The following FAAP20 variants were observed in gnomAD, a reference collection of about 807,000 sequenced individuals.
FAAP20 encodes FA core complex associated protein 20, also known as Fanconi anemia core complex-associated protein 20.
Under a neutral mutation model 16.2 loss-of-function variants are expected in FAAP20, and 12 were observed. That is an observed-to-expected ratio of 0.74 (90% CI 0.48 to 1.20). FAAP20 has a LOEUF of 1.20. FAAP20 is among the 50% of genes most tolerant of loss of function. The probability of loss-of-function intolerance (pLI) is 0.00; values close to 1 mark genes in which losing one functional copy is unlikely to be tolerated. For synonymous variants in FAAP20, 141 were observed against 110.7 expected, an observed-to-expected ratio of 1.27 and a Z score of -1.72; for missense variants, 288 against 245.8, an observed-to-expected ratio of 1.17 and a Z score of -1.15.
chr1:2,185,072 G>A (rs1572080062), downstream of FAAP20: 18 of 1,441,908 alleles, frequency 1.2e-5, no homozygotes, highest in South Asian at 3.6e-5. Flanking sequence ...CTTAACCACC[G>A]CATATGCATG....
downstream of FAAP20, chr1:2,207,694 C>T (rs538078405): frequency 6.6e-6 from 1 of 152,400 alleles, no homozygotes; most frequent in East Asian, 1.9e-4. Context: ...CCCAGCCAGG[C>T]ACGTGGTGCT....
chr1:2,190,005 G>A (rs761921667), intron 3 of FAAP20: 6 of 616,100 alleles, frequency 9.7e-6, no homozygotes, highest in African/African-American at 5.5e-5. Context: ...CCAGGCCCCT[G>A]CGTCCGAGCT....
upstream of FAAP20, chr1:2,200,395 C>CA (rs765418052): frequency 0.31 from 32,077 of 103,694 alleles, 4,350 homozygotes; most frequent in Admixed American, 0.41. Context: ...AACTCTATCT[C>CA]AAAAAAAAAA....
chr1:2,196,592 C>T (rs1456365355), upstream of FAAP20, among the ~76,000 whole-genome samples: 2 of 151,048 alleles, frequency 1.3e-5, no homozygotes, highest in African/African-American at 2.4e-5. This position sits in a 1 kb window ranked among gnomAD's most constrained non-coding sequence, Gnocchi z 4.5. Context: ...GCAATCCCAG[C>T]ACTTTGGGAG....
At chr1:2,199,570 C>T (rs1392646020), upstream of FAAP20, 1 of 985,794 alleles carries the variant, frequency 1.0e-6, no homozygotes, top group Non-Finnish European at 1.2e-6. The surrounding 1 kb of genome is among the most constrained non-coding windows in gnomAD (Gnocchi z 4.5). Flanking sequence ...GTGGAGACCT[C>T]TCAGGGCACC....
chr1:2,203,007 T>C (rs1192023416), upstream of FAAP20, among the ~76,000 whole-genome samples: 1 of 152,218 alleles, frequency 6.6e-6, no homozygotes, highest in Non-Finnish European at 1.5e-5. Flanking sequence ...CCCAGCCAGC[T>C]GGTGACTGGA....
chr1:2,189,785 CAAGG>C lies in FAAP20; in HGVS notation c.471-8_471-5del. The C allele has an allele frequency of 6.2e-7, 1 of 1,610,544 alleles. No individual in the cohort carries two copies. Among genetic ancestry groups the C allele is most frequent in the South Asian group, 1.1e-5 (1 of 91,036 alleles). On this transcript the variant is annotated splice_region_variant and splice_polypyrimidine_tract_variant and intron_variant, in intron 3 of 3. Transcript: ENST00000378546. ...GTCAACATCCAGCTGGGTCAGCCTG[CAAGG>C]GAGGGGCCACACTCACTCGGCCACC...
chr1:2,202,023 A>G (rs1287436822), upstream of FAAP20, among the ~76,000 whole-genome samples: 1 of 151,882 alleles, frequency 6.6e-6, no homozygotes, highest in African/African-American at 2.4e-5. Context: ...TCTCAAAAAA[A>G]AAAAAAAAAG....
upstream of FAAP20, among the ~76,000 whole-genome samples, chr1:2,195,055 C>T (rs1287770481): frequency 1.3e-5 from 2 of 152,136 alleles, no homozygotes; most frequent in Non-Finnish European, 2.9e-5. Context: ...GCTGCCCGGC[C>T]CGCCCCGGCA....
downstream of FAAP20, chr1:2,187,327 CAG>C (rs1330431609): frequency 8.0e-6 from 3 of 373,806 alleles, no homozygotes; most frequent in Admixed American, 3.8e-5. Flanking sequence ...TTTTTTGAGA[CAG>C]AGTATTACTC....
At chr1:2,200,089 G>C (rs1688987838), upstream of FAAP20, 1 of 149,072 alleles carries the variant, frequency 6.7e-6, no homozygotes, top group Non-Finnish European at 1.5e-5. Context: ...AAAAAAAAAA[G>C]AGAGAGAGAA....
downstream of FAAP20, among the ~76,000 whole-genome samples, chr1:2,187,745 C>T (rs1466603138): frequency 1.3e-5 from 2 of 152,140 alleles, no homozygotes; most frequent in Non-Finnish European, 2.9e-5. Context: ...ACACGCTGCT[C>T]ACAGCTGCTG....
chr1:2,191,926 CACAA>C, intron 3 of FAAP20: 1 of 985,454 alleles, frequency 1.0e-6, no homozygotes, highest in Middle Eastern at 5.2e-4. Context: ...ATCTTAAAGA[CACAA>C]AGAACATTCT....
upstream of FAAP20, chr1:2,201,088 G>A (rs769354949): frequency 2.6e-5 from 34 of 1,288,524 alleles, 1 homozygote; most frequent in Middle Eastern, 3.0e-3. Flanking sequence ...AGGAAACTGT[G>A]CTTGGTGCAT....
chr1:2,185,585 AGT>A (rs1557769416), downstream of FAAP20: 28 of 700,056 alleles, frequency 4.0e-5, 1 homozygote, highest in South Asian at 4.1e-4. Context: ...CTTCCTGCAG[AGT>A]GTGTCCCAGC....
downstream of FAAP20, among the ~76,000 whole-genome samples, chr1:2,211,996 A>G (rs530796306): frequency 3.3e-4 from 45 of 138,382 alleles, no homozygotes; most frequent in African/African-American, 5.7e-4. Context: ...TCCACCTCCC[A>G]GGTTCACACC....
rs1273933887 is a variant in FAAP20 at position 2,194,677 on chromosome 1, C to T, written c.62+11G>A. 6 of 1,149,824 alleles carry T rather than the reference C, an allele frequency of 5.2e-6. No individual in the cohort carries two copies. The highest frequency in any genetic ancestry group is 3.3e-5 in the African/African-American group (2 of 60,794). The allele number at this position is 1,149,824 out of a possible 1,614,324, so 71.2% of individuals were successfully genotyped here. A position where few individuals can be genotyped will look rare whatever the true frequency, so the allele number is the denominator to read the frequency against. On this transcript the variant is annotated intron_variant, in intron 1 of 3. Transcript: ENST00000378546. ...AAACCGGCCGCGCCCCCGCCCGGCT[C>T]CCGGCCTCACCCGCCCGCCGGGCGC...
downstream of FAAP20, among the ~76,000 whole-genome samples, chr1:2,208,635 G>A (rs547953307): frequency 2.6e-5 from 4 of 152,258 alleles, no homozygotes; most frequent in East Asian, 3.9e-4. Flanking sequence ...CTCTTGCCTC[G>A]CCCTTTGGAG....
chr1:2,198,366 A>T, upstream of FAAP20: 1 of 388,902 alleles, frequency 2.6e-6, no homozygotes, highest in South Asian at 2.2e-5. Flanking sequence ...TCTGTGGCAA[A>T]AAAGGACACA....
Sources: gnomAD v4.1 joint callset for allele counts (sites outside exome capture counted in the v4.1 genomes callset) on GRCh38, gnomAD v4.1.1 for gene constraint, Gnocchi (gnomAD v3.1) non-coding constraint, MANE v1.5 for transcripts, NCBI Gene and HGNC (gene_info 2026-07-23, HGNC 2026-07-21) for gene names.